Variants in ZNF197 observed in about 807,000 individuals in gnomAD.
The protein encoded by ZNF197 is zinc finger protein 197, also known as VHL-associated KRAB-A domain-containing protein.
ZNF197 carries 14 observed loss-of-function variants against 27.4 expected under a neutral mutation model. The observed-to-expected ratio is 0.51, with a 90% confidence interval of 0.34 to 0.80. The LOEUF is 0.80. ZNF197 is among the 30% of genes least tolerant of loss of function. The pLI is 0.02. For missense variants in ZNF197, 1,090 were observed against 1,222.6 expected (o/e 0.89, Z 1.62); for synonymous variants, 415 against 420.0 (o/e 0.99, Z 0.15).
At chr3:44,625,791 T>G (rs1701624693) in intron 1 of ZNF197, among the ~76,000 whole-genome samples, 1 of 142,706 alleles carries the variant, frequency 7.0e-6, no homozygotes. Flanking sequence ...CACACACTCA[T>G]TGCCAACCTG....
chr3:44,639,508 T>G (rs1288701415), intron 5 of ZNF197, among the ~76,000 whole-genome samples: 1 of 151,736 alleles, frequency 6.6e-6, no homozygotes, highest in Middle Eastern at 3.2e-3. Flanking sequence ...TTTCTTTCCC[T>G]GTTGTAGATC....
At chr3:44,635,296 G>A (rs1346301473) in intron 5 of ZNF197, among the ~76,000 whole-genome samples, 1 of 151,966 alleles carries the variant, frequency 6.6e-6, no homozygotes, top group Non-Finnish European at 1.5e-5. Context: ...TTGGGGCTTC[G>A]GGCAAGCAGA....
At chr3:44,631,540 AC>A (rs1481400760) in intron 3 of ZNF197, among the ~76,000 whole-genome samples, 1 of 151,198 alleles carries the variant, frequency 6.6e-6, no homozygotes, top group Non-Finnish European at 1.5e-5. Flanking sequence ...AGCTGGGACT[AC>A]AGGTGCCCGC....
chr3:44,645,172 T>C lies in ZNF197; in HGVS notation c.*952T>C. ...GTCAGTCAAATGTTGACATGATACC[T>C]ACCTCACAGGGTTGTTGTGAGGGTT... On this transcript the variant is annotated 3_prime_UTR_variant, in exon 6 of 6. Coordinates refer to ENST00000344387, the MANE Select transcript of ZNF197 (RefSeq NM_006991.5). The C allele has an allele frequency of 2.1e-6, 2 of 965,680 alleles. No individual in the cohort carries two copies. The highest frequency in any genetic ancestry group is 2.5e-6 in the Non-Finnish European group (2 of 812,018). The allele number at this position is 965,680 out of a possible 1,614,324, so 59.8% of individuals were successfully genotyped here.
intron 5 of ZNF197, 104 bp from the exon 6 acceptor site, chr3:44,641,796 A>G (rs1318788177): frequency 5.3e-6 from 7 of 1,315,658 alleles, no homozygotes; most frequent in Non-Finnish European, 7.1e-6. Flanking sequence ...TTTTGTATGC[A>G]TATTAAAGTG....
intron 5 of ZNF197, among the ~76,000 whole-genome samples, chr3:44,638,164 TAA>T (rs1702406101): frequency 6.6e-6 from 1 of 152,222 alleles, no homozygotes; most frequent in Non-Finnish European, 1.5e-5. Context: ...TATAAGAATA[TAA>T]GTTTTTCACT....
chr3:44,642,228 AAAG>A lies in ZNF197; in HGVS notation c.1102_1104del (p.Lys368del), dbSNP rs2083485303. 2 of 1,614,012 alleles carry A rather than the reference AAAG, an allele frequency of 1.2e-6. No homozygotes were observed. Among genetic ancestry groups the A allele is most frequent in the African/African-American group, 2.7e-5 (2 of 74,946 alleles). On this transcript the variant is annotated inframe_deletion, in exon 6 of 6. Coordinates refer to ENST00000344387, the MANE Select transcript of ZNF197 (RefSeq NM_006991.5). ...CTGAAAGTTTAATAGGTACTGAAGG[AAAG>A]AAGTTTTATAAATGTGATATGTGTT...
chr3:44,646,705 C>T lies in ZNF197; in HGVS notation c.*2485C>T, dbSNP rs1470213371. ...TGCTTTTGTGTATGTATGAAAATTT[C>T]GATATGAAAGGTATAAAACATGGAT... is the stretch of plus-strand genomic sequence containing the variant. On this transcript the variant is annotated 3_prime_UTR_variant, in exon 6 of 6. Transcript: ENST00000344387. 3.7e-6 allele frequency: 2 copies of T among 541,594 alleles called. No homozygotes were observed. Among genetic ancestry groups the T allele is most frequent in the East Asian group, 3.0e-5 (1 of 33,322 alleles). The allele number at this position is 541,594 out of a possible 1,614,324, so 33.5% of individuals were successfully genotyped here.
rs570020016 is a variant in ZNF197, at chr3:44,629,012, G to T, written c.-81-62G>T. The T allele has an allele frequency of 2.4e-5, 30 of 1,267,500 alleles. No homozygotes were observed. The African/African-American group carries it at 4.5e-4, about 19-fold the overall frequency. 78.5% of individuals were successfully genotyped at this position (1,267,500 alleles called of 1,614,324 possible). On this transcript the variant is annotated intron_variant, in intron 1 of 5. Transcript: ENST00000344387. ...GGGAGCTGACTGGGAGCTGACTGGGGCCTGGAAAGCTCAGTTGTTTCTCTG... is the reference window on the plus strand; with the variant it reads ...GGGAGCTGACTGGGAGCTGACTGGGTCCTGGAAAGCTCAGTTGTTTCTCTG...
At position 44,646,722 on chromosome 3, in the gene ZNF197, A is replaced by G; in HGVS notation, c.*2502A>G. On this transcript the variant is annotated 3_prime_UTR_variant, in exon 6 of 6. Coordinates refer to ENST00000344387, the MANE Select transcript of ZNF197 (RefSeq NM_006991.5). ...GAAAATTTCGATATGAAAGGTATAA[A>G]ACATGGATGAGGAGGCTTGTTTTTA... 2 of 522,140 alleles carry G rather than the reference A, an allele frequency of 3.8e-6. No homozygotes were observed. Among genetic ancestry groups the G allele is most frequent in the Non-Finnish European group, 6.8e-6 (2 of 293,874 alleles). 32.3% of individuals were successfully genotyped at this position (522,140 alleles called of 1,614,324 possible).
chr3:44,628,967 C>A (rs778980630), intron 1 of ZNF197, 107 bp from the exon 2 acceptor site: 1 of 774,388 alleles, frequency 1.3e-6, no homozygotes, highest in Admixed American at 3.1e-5. Flanking sequence ...CTTGCACTCA[C>A]AAAGGTTCTC....
In ZNF197 at chr3:44,645,705, C is replaced by T. The variant is rs570540292; in HGVS notation, c.*1485C>T. ...CTAATCAATATTTCATCATTGCTGT[C>T]AAATGATAGCCTGTTACTAATGAAA... On this transcript the variant is annotated 3_prime_UTR_variant, in exon 6 of 6. Transcript: ENST00000344387. 1.6e-5 allele frequency: 16 copies of T among 985,258 alleles called. No individual in the cohort carries two copies. Among genetic ancestry groups the T allele is most frequent in the Admixed American group, 6.2e-5 (1 of 16,260 alleles). The allele number at this position is 985,258 out of a possible 1,614,324, so 61.0% of individuals were successfully genotyped here.
Position 44,631,209 on chromosome 3 carries a change from G to T in ZNF197, c.538G>T (p.Asp180Tyr). The T allele has an allele frequency of 5.0e-6, 8 of 1,614,074 alleles. No individual in the cohort carries two copies. Among genetic ancestry groups the T allele is most frequent in the Non-Finnish European group, 6.8e-6 (8 of 1,180,016 alleles). Residue 180 changes from aspartate to tyrosine, a missense_variant, in exon 3 of 6, where the codon GAT becomes TAT. Asp to Tyr is a radical substitution (Grantham distance 160). Coordinates refer to ENST00000344387, the MANE Select transcript of ZNF197 (RefSeq NM_006991.5). ...PTDLVAFNLQ[D>Y]PQHDSPAPEA... is the part of the protein sequence containing the mutation. The stretch of plus-strand genomic sequence containing the variant: ...TGACCTAGTGGCATTCAACCTCCAG[G>T]ATCCTCAGCATGGTATTTACTCAGT...
Position 44,629,505 on chromosome 3 carries a change from A to G in ZNF197, c.351A>G (p.Val117=), listed in dbSNP as rs1418556112. 6.3e-7 allele frequency: 1 copy of G among 1,588,436 alleles called. No individual in the cohort carries two copies. Among genetic ancestry groups the G allele is most frequent in the Non-Finnish European group, 8.6e-7 (1 of 1,168,960 alleles). Residue 117 remains valine, a synonymous_variant, in exon 2 of 6, where the codon GTA becomes GTG. Transcript: ENST00000344387. ...GTGGCGAGGAGGCTGTGGCCCTGGT[A>G]GAGGAGCTGCAGAAAGACCTTGATG... The part of the protein sequence containing the change: ...PGSGEEAVAL[V]EELQKDLDGP...
In ZNF197 at chr3:44,644,733, A is replaced by G. The variant is rs1228969737; in HGVS notation, c.*513A>G. 1.0e-6 allele frequency: 1 copy of G among 985,752 alleles called. No homozygotes were observed. Among genetic ancestry groups the G allele is most frequent in the African/African-American group, 1.7e-5 (1 of 57,230 alleles). The allele number at this position is 985,752 out of a possible 1,614,324, so 61.1% of individuals were successfully genotyped here. ...AAATGAGAGCAACAATAAAAAGTAGACATGGGCTGGGTGCAGTGGCTCACT... is the reference window on the plus strand; with the variant it reads ...AAATGAGAGCAACAATAAAAAGTAGGCATGGGCTGGGTGCAGTGGCTCACT... On this transcript the variant is annotated 3_prime_UTR_variant, in exon 6 of 6. Transcript: ENST00000344387.
chr3:44,645,169 A>G lies in ZNF197; in HGVS notation c.*949A>G. The G allele has an allele frequency of 1.0e-6, 1 of 968,292 alleles. No individual in the cohort carries two copies. The highest frequency in any genetic ancestry group is 1.2e-6 in the Non-Finnish European group (1 of 814,346). The allele number at this position is 968,292 out of a possible 1,614,324, so 60.0% of individuals were successfully genotyped here. A position where few individuals can be genotyped will look rare whatever the true frequency, so the allele number is the denominator to read the frequency against. On this transcript the variant is annotated 3_prime_UTR_variant, in exon 6 of 6. Coordinates refer to ENST00000344387, the MANE Select transcript of ZNF197 (RefSeq NM_006991.5). ...CCTGTCAGTCAAATGTTGACATGAT[A>G]CCTACCTCACAGGGTTGTTGTGAGG...
intron 5 of ZNF197, among the ~76,000 whole-genome samples, chr3:44,641,668 C>A (rs1291353674): frequency 6.6e-6 from 1 of 152,186 alleles, no homozygotes; most frequent in Admixed American, 6.5e-5. Flanking sequence ...TTTCTATCTG[C>A]TTCCTGAAGA....
rs75164577 is a variant in ZNF197, at chr3:44,639,199, T to G, written c.770-2701T>G. ...ACCTGGTCATGGTGTATAATTCTTTTTATGTCCTGCTAGATTTGGTTAGTT... is the reference window on the plus strand; with the variant it reads ...ACCTGGTCATGGTGTATAATTCTTTGTATGTCCTGCTAGATTTGGTTAGTT... On this transcript the variant is annotated intron_variant, in intron 5 of 5. Coordinates refer to ENST00000344387, the MANE Select transcript of ZNF197 (RefSeq NM_006991.5). Among the ~76,000 whole-genome samples the G allele has an allele frequency of 8.8e-3, 1,343 of 152,328 alleles. 22 individuals carry two copies. The highest frequency in any genetic ancestry group is 0.031 in the African/African-American group (1,285 of 41,572).
At chr3:44,626,880 T>A (rs1468886656) in intron 1 of ZNF197, among the ~76,000 whole-genome samples, 1 of 152,210 alleles carries the variant, frequency 6.6e-6, no homozygotes, top group African/African-American at 2.4e-5. Context: ...TGCCCAAGAT[T>A]ATTCATGATT....
Sources: allele counts gnomAD v4.1 joint callset (sites outside exome capture counted in the v4.1 genomes callset), GRCh38; gene constraint gnomAD v4.1.1; transcripts MANE v1.5; gene names NCBI Gene and HGNC (gene_info 2026-07-23, HGNC 2026-07-21).